Variants in SSH2 observed in about 807,000 individuals in gnomAD.
The protein encoded by SSH2 is protein phosphatase Slingshot homolog 2.
A neutral mutation model predicts 135.2 loss-of-function variants in SSH2; 37 were observed. The ratio of observed to expected loss-of-function variants is 0.27; its 90% CI spans 0.21 to 0.36. The LOEUF (loss-of-function observed/expected upper bound fraction) is 0.36. Ranked by LOEUF, SSH2 falls within the 10% of genes least tolerant of loss-of-function variation. The probability of loss-of-function intolerance (pLI) is 1.00; values close to 1 mark genes in which losing one functional copy is unlikely to be tolerated. For missense variants in SSH2, 1,408 were observed against 1,765.3 expected (o/e 0.80, Z 3.63); for synonymous variants, 628 against 646.2 (o/e 0.97, Z 0.43).
intron 3 of SSH2, among the ~76,000 whole-genome samples, chr17:29,757,278 G>T (rs2041159172): frequency 6.6e-6 from 1 of 152,110 alleles, no homozygotes; most frequent in Admixed American, 6.5e-5. Context: ...TGAGATCACA[G>T]ATCACTTTGA....
intron 1 of SSH2, among the ~76,000 whole-genome samples, chr17:29,899,315 A>G (rs1261415027): frequency 6.6e-6 from 1 of 152,264 alleles, no homozygotes; most frequent in Non-Finnish European, 1.5e-5. Flanking sequence ...AGGGTATTCA[A>G]TTAGGAAAAG....
At chr17:29,846,418 T>C (rs1863852884) in intron 2 of SSH2, among the ~76,000 whole-genome samples, 1 of 152,240 alleles carries the variant, frequency 6.6e-6, no homozygotes, top group Non-Finnish European at 1.5e-5. Flanking sequence ...GATGAGCTCA[T>C]GATGGCTATC....
intron 1 of SSH2, among the ~76,000 whole-genome samples, chr17:29,861,987 A>G (rs1391579547): frequency 6.6e-6 from 1 of 152,240 alleles, no homozygotes; most frequent in African/African-American, 2.4e-5. Flanking sequence ...TATACTTTGC[A>G]CATAAAGAGG....
chr17:29,665,699 T>C (rs1212724888), intron 11 of SSH2, among the ~76,000 whole-genome samples: 3 of 152,246 alleles, frequency 2.0e-5, no homozygotes, highest in Non-Finnish European at 4.4e-5. Context: ...TGATTTTAAT[T>C]ATTCTTGTTA....
At position 29,632,028 on chromosome 17, in the gene SSH2, C is replaced by T. The variant is rs576074924; in HGVS notation, c.3166G>A (p.Glu1056Lys). ...TSPNHTGPGS[E>K]IATSEKSGEQ... Reference sequence around the variant, plus strand: ...CCGCTCTTCTCACTGGTGGCTATTTCACTCCCTGGCCCAGTGTGATTGGGT... The same window carrying T: ...CCGCTCTTCTCACTGGTGGCTATTTTACTCCCTGGCCCAGTGTGATTGGGT... Residue 1056 changes from glutamate to lysine, a missense_variant, in exon 16 of 16, where the codon GAA (glutamate) becomes AAA (lysine). Around this residue, in one of 3 missense-constraint regions of SSH2, gnomAD observed 1,080 missense variants for 1,144.5 expected, o/e 0.94. Coordinates refer to ENST00000540801, the MANE Select transcript of SSH2 (RefSeq NM_001282129.2). The T allele has an allele frequency of 2.3e-5, 37 of 1,614,234 alleles. No individual in the cohort carries two copies. The highest frequency in any genetic ancestry group is 1.6e-4 in the Middle Eastern group (1 of 6,062).
intron 2 of SSH2, among the ~76,000 whole-genome samples, chr17:29,829,837 A>ATTT (rs35027288): frequency 3.1e-5 from 4 of 130,456 alleles, no homozygotes; most frequent in African/African-American, 3.0e-5. Flanking sequence ...AAAGATCAAG[A>ATTT]TTTTTTTTTT....
rs182009231 is a variant in SSH2, at chr17:29,633,973, G to A, written c.2263-1042C>T. Among the ~76,000 whole-genome samples, 25 of 152,306 alleles carry A rather than the reference G, an allele frequency of 1.6e-4. 1 individual carries two copies. Reference sequence around the variant, plus strand: ...AAATGTGCCATGACATCAGGCAGAGGCAAACTTGCCATGAATGGGAGAGAA... The same window carrying A: ...AAATGTGCCATGACATCAGGCAGAGACAAACTTGCCATGAATGGGAGAGAA... On this transcript the variant is annotated intron_variant, in intron 15 of 15. Coordinates refer to ENST00000540801, the MANE Select transcript of SSH2 (RefSeq NM_001282129.2).
chr17:29,727,636 T>C (rs1461008716), intron 3 of SSH2, among the ~76,000 whole-genome samples: 1 of 152,218 alleles, frequency 6.6e-6, no homozygotes, highest in Non-Finnish European at 1.5e-5. Flanking sequence ...CATATTTTAA[T>C]AGGTGACTAA....
chr17:29,898,424 A>C (rs1344653954), intron 1 of SSH2, among the ~76,000 whole-genome samples: 1 of 152,126 alleles, frequency 6.6e-6, no homozygotes, highest in Admixed American at 6.6e-5. Flanking sequence ...TCAAATAGAC[A>C]CAATAAAAAA....
At chr17:29,750,085 T>C (rs771428269) in intron 3 of SSH2, among the ~76,000 whole-genome samples, 3 of 152,154 alleles carry the variant, frequency 2.0e-5, no homozygotes, top group Non-Finnish European at 4.4e-5. Flanking sequence ...TTTTTAACTT[T>C]ATAAACTTTA....
intron 1 of SSH2, among the ~76,000 whole-genome samples, chr17:29,867,531 G>A (rs565411573): frequency 6.6e-6 from 1 of 152,302 alleles, no homozygotes; most frequent in East Asian, 1.9e-4. Context: ...CAAAGAGGTG[G>A]AGTTCTGTTA....
chr17:29,927,638 T>C (rs1246114772), intron 1 of SSH2, among the ~76,000 whole-genome samples: 3 of 152,160 alleles, frequency 2.0e-5, no homozygotes, highest in African/African-American at 7.2e-5. Flanking sequence ...GCAAAATATA[T>C]GGAGGTCAGA....
chr17:29,897,379 G>A (rs1315260095), intron 1 of SSH2, among the ~76,000 whole-genome samples: 3 of 151,996 alleles, frequency 2.0e-5, no homozygotes, highest in Non-Finnish European at 4.4e-5. Flanking sequence ...GCTGTATTCA[G>A]GAAACCCAAC....
intron 3 of SSH2, chr17:29,761,196 A>G: frequency 7.8e-7 from 1 of 1,289,672 alleles, no homozygotes; most frequent in Non-Finnish European, 1.0e-6. Context: ...GCGGAGAAGT[A>G]AGGAATCATG....
intron 3 of SSH2, among the ~76,000 whole-genome samples, chr17:29,787,279 TACCC>T (rs1468143986): frequency 6.6e-5 from 10 of 152,228 alleles, no homozygotes; most frequent in Non-Finnish European, 7.3e-5. Flanking sequence ...TCCTCATTTT[TACCC>T]ACGTTGTGGC....
intron 2 of SSH2, among the ~76,000 whole-genome samples, chr17:29,827,635 G>C (rs978361421): frequency 1.3e-5 from 2 of 152,052 alleles, no homozygotes; most frequent in African/African-American, 2.4e-5. Context: ...ATTTCCACAG[G>C]AATAAAATGC....
At position 29,741,860 on chromosome 17, in the gene SSH2, C is replaced by T. The variant is rs543874653; in HGVS notation, c.189-38798G>A. Among the ~76,000 whole-genome samples the T allele has an allele frequency of 7.9e-5, 12 of 151,634 alleles. 1 individual carries two copies. Among genetic ancestry groups the T allele is most frequent in the African/African-American group, 1.9e-4 (8 of 41,312 alleles). On this transcript the variant is annotated intron_variant, in intron 3 of 15. Coordinates refer to ENST00000540801, the MANE Select transcript of SSH2 (RefSeq NM_001282129.2). ...TGAATTCCTGACCTCGTGATCTGCC[C>T]GTCTAAGCTTCCCAAAGTGCTTGGG... is the stretch of plus-strand genomic sequence containing the variant.
At chr17:29,733,910 CTTTTT>C (rs200752788) in intron 3 of SSH2, among the ~76,000 whole-genome samples, 1 of 130,536 alleles carries the variant, frequency 7.7e-6, no homozygotes. Flanking sequence ...TAATTTCTTT[CTTTTT>C]TTTTTTTTTT....
chr17:29,851,589 A>G (rs1381676892), intron 1 of SSH2, among the ~76,000 whole-genome samples: 3 of 151,972 alleles, frequency 2.0e-5, no homozygotes, highest in Non-Finnish European at 4.4e-5. Context: ...GCGAAACGCC[A>G]TCTCAAAAAA....
Sources: gnomAD v4.1 joint callset for allele counts (sites outside exome capture counted in the v4.1 genomes callset) on GRCh38, gnomAD v4.1.1 for gene constraint, gnomAD v4.1.1 regional missense constraint, MANE v1.5 for transcripts, NCBI Gene and HGNC (gene_info 2026-07-23, HGNC 2026-07-21) for gene names.